ACOT13: variants seen among roughly 807,000 people sequenced by gnomAD.
ACOT13 encodes the protein acyl-coenzyme A thioesterase 13.
ACOT13 carries 10 observed loss-of-function variants against 11.8 expected under a neutral mutation model. The observed-to-expected ratio is 0.85, with a 90% CI of 0.53 to 1.44. ACOT13 has a LOEUF of 1.44. Among genes scored for constraint, ACOT13 ranks in the 40% most tolerant of loss-of-function variants. The pLI, the probability that ACOT13 is intolerant of heterozygous loss-of-function variation, is 0.00. For missense variants in ACOT13, 172 were observed against 174.1 expected (o/e 0.99, Z 0.07); for synonymous variants, 53 against 61.0 (o/e 0.87, Z 0.61).
chr6:24,688,778 T>G (rs1452880394), intron 1 of ACOT13, among the ~76,000 whole-genome samples: 2 of 152,208 alleles, frequency 1.3e-5, no homozygotes, highest in Non-Finnish European at 2.9e-5. Flanking sequence ...TCAGGCACTA[T>G]GCACTTTGTT....
rs1033784813 is a variant in ACOT13 at position 24,701,470 on chromosome 6, C to T, written c.278C>T (p.Pro93Leu). 2 of 1,605,056 alleles carry T rather than the reference C, an allele frequency of 1.2e-6. No homozygotes were observed. The highest frequency in any genetic ancestry group is 1.7e-6 in the Non-Finnish European group (2 of 1,175,884). ...SVDMNITYMS[P>L]AKLGEDIVIT... is the part of the protein sequence containing the mutation. ...CATTTTCTTTCAAGGTACATGTCAC[C>T]TGCAAAATTAGGAGAAGATATAGTG... The change falls in exon 3 of 3, where the codon CCT becomes CTT. Residue 93 changes from proline (P) to leucine (L), a missense_variant. Transcript: ENST00000230048.
Position 24,684,310 on chromosome 6 carries a change from G to T in ACOT13, c.82-13573G>T, listed in dbSNP as rs532841306. 2.6e-5 allele frequency among the ~76,000 whole-genome samples: 4 copies of T among 152,290 alleles called. No homozygotes were observed. In the South Asian group the frequency reaches 8.3e-4, roughly 32 times the overall value. On this transcript the variant is annotated intron_variant, in intron 1 of 2. Coordinates refer to ENST00000230048, the MANE Select transcript of ACOT13 (RefSeq NM_018473.4). ...AAGTTATCCAGAAAAGGATGTATTG[G>T]CCTAAGGGGATCTTTGAATTCCTTA...
intron 1 of ACOT13, among the ~76,000 whole-genome samples, chr6:24,671,211 C>T (rs938515775): frequency 6.6e-6 from 1 of 152,074 alleles, no homozygotes; most frequent in Admixed American, 6.5e-5. Flanking sequence ...TGGAACCAAC[C>T]CAAATGTCCA....
At chr6:24,694,326 A>C (rs1778762687) in intron 1 of ACOT13, among the ~76,000 whole-genome samples, 1 of 152,232 alleles carries the variant, frequency 6.6e-6, no homozygotes, top group African/African-American at 2.4e-5. Flanking sequence ...CTAAGGAATC[A>C]GAACCCAGTT....
At chr6:24,671,663 C>G (rs149566408) in intron 1 of ACOT13, among the ~76,000 whole-genome samples, 2 of 151,878 alleles carry the variant, frequency 1.3e-5, no homozygotes, top group Non-Finnish European at 2.9e-5. Context: ...AATAATGAAT[C>G]TCAAAAAACA....
Position 24,697,984 on chromosome 6 carries a change from C to T in ACOT13, c.183C>T (p.Ala61=), listed in dbSNP as rs1380947598. ...AIGTLHGGLT[A]TLVDNISTMA... ...GCACTCTCCACGGCGGTTTGACAGCCACGTTAGTAGATAACATATCAACAA... is the reference window on the plus strand; with the variant it reads ...GCACTCTCCACGGCGGTTTGACAGCTACGTTAGTAGATAACATATCAACAA... Residue 61 remains alanine (A), a synonymous_variant, in exon 2 of 3, where the codon GCC becomes GCT. Coordinates refer to ENST00000230048, the MANE Select transcript of ACOT13 (RefSeq NM_018473.4). 2 of 1,613,848 alleles carry T rather than the reference C, an allele frequency of 1.2e-6. No individual in the cohort carries two copies. The highest frequency in any genetic ancestry group is 1.3e-5 in the African/African-American group (1 of 74,910).
chr6:24,688,235 T>A (rs183036550), intron 1 of ACOT13, among the ~76,000 whole-genome samples: 1 of 152,166 alleles, frequency 6.6e-6, no homozygotes, highest in East Asian at 1.9e-4. Context: ...CAGCATTATT[T>A]GTGATATCAA....
rs1453851388 is a variant in ACOT13 at position 24,704,805 on chromosome 6, C to A, written c.*3190C>A. ...TTTAGCCACAGACTATGAAATAATT[C>A]TCTAAGGTGACCAGTAACATCAGTG... is the stretch of plus-strand genomic sequence containing the variant. On this transcript the variant is annotated 3_prime_UTR_variant, in exon 3 of 3. Transcript: ENST00000230048. 1 of 152,188 alleles carries A rather than the reference C, an allele frequency of 6.6e-6. No homozygotes were observed. The highest frequency in any genetic ancestry group is 6.5e-5 in the Admixed American group (1 of 15,270). The allele number at this position is 152,188 out of a possible 1,614,324, so 9.4% of individuals were successfully genotyped here. A position where few individuals can be genotyped will look rare whatever the true frequency, so the allele number is the denominator to read the frequency against.
chr6:24,670,400 A>G (rs1054864909), intron 1 of ACOT13, among the ~76,000 whole-genome samples: 4 of 152,200 alleles, frequency 2.6e-5, no homozygotes, highest in Non-Finnish European at 4.4e-5. Context: ...ACCTGTCAGA[A>G]AATGACATTC....
chr6:24,667,252 A>G lies in ACOT13; in HGVS notation c.-12A>G. The G allele has an allele frequency of 6.2e-7, 1 of 1,613,938 alleles. No homozygotes were observed. The highest frequency in any genetic ancestry group is 8.5e-7 in the Non-Finnish European group (1 of 1,179,932). The stretch of plus-strand genomic sequence containing the variant: ...TCTTGCGCAAAGCCCAAAGGCTGGA[A>G]AACCGTCCACGATGACCAGCATGAC... On this transcript the variant is annotated 5_prime_UTR_variant, in exon 1 of 3. Coordinates refer to ENST00000230048, the MANE Select transcript of ACOT13 (RefSeq NM_018473.4).
Position 24,667,160 on chromosome 6 carries a change from G to A in ACOT13, c.-104G>A. 8.3e-7 allele frequency: 1 copy of A among 1,211,174 alleles called. No homozygotes were observed. The highest frequency in any genetic ancestry group is 2.5e-5 in the East Asian group (1 of 39,730). 75.0% of individuals were successfully genotyped at this position (1,211,174 alleles called of 1,614,324 possible). On this transcript the variant is annotated 5_prime_UTR_variant, in exon 1 of 3. Transcript: ENST00000230048. Reference sequence around the variant, plus strand: ...CTCCTAGGGGCGGAGAAGGGTGCGGGCTCTTCGCCCTTTGTGTCCTCCTTC... The same window carrying A: ...CTCCTAGGGGCGGAGAAGGGTGCGGACTCTTCGCCCTTTGTGTCCTCCTTC...
chr6:24,699,725 G>A (rs1778863286), intron 2 of ACOT13, among the ~76,000 whole-genome samples: 1 of 152,208 alleles, frequency 6.6e-6, no homozygotes, highest in African/African-American at 2.4e-5. Flanking sequence ...GGTAAGAGGT[G>A]AGATCAGTAG....
intron 1 of ACOT13, among the ~76,000 whole-genome samples, chr6:24,674,085 A>G (rs1012542711): frequency 2.0e-5 from 3 of 152,070 alleles, no homozygotes; most frequent in African/African-American, 7.2e-5. Context: ...TATCTGAGAC[A>G]GAGTCTTGCT....
intron 1 of ACOT13, among the ~76,000 whole-genome samples, chr6:24,690,635 G>C (rs6919494): frequency 0.8 from 121,048 of 151,762 alleles, 48,957 homozygotes; most frequent in African/African-American, 0.93. Flanking sequence ...TGAACAAAAA[G>C]AGTGTTACTT....
At chr6:24,680,718 G>A (rs902522079) in intron 1 of ACOT13, among the ~76,000 whole-genome samples, 9 of 152,118 alleles carry the variant, frequency 5.9e-5, no homozygotes, top group Non-Finnish European at 4.4e-5. Flanking sequence ...CTGGGTTCCT[G>A]GGTATTTCAT....
Position 24,704,697 on chromosome 6 carries a change from G to A in ACOT13, c.*3082G>A, listed in dbSNP as rs1054704530. The A allele has an allele frequency of 1.3e-5, 2 of 152,216 alleles. No individual in the cohort carries two copies. The highest frequency in any genetic ancestry group is 4.8e-5 in the African/African-American group (2 of 41,464). 9.4% of individuals were successfully genotyped at this position (152,216 alleles called of 1,614,324 possible). A position where few individuals can be genotyped will look rare whatever the true frequency, so the allele number is the denominator to read the frequency against. On this transcript the variant is annotated 3_prime_UTR_variant, in exon 3 of 3. Coordinates refer to ENST00000230048, the MANE Select transcript of ACOT13 (RefSeq NM_018473.4). ...GCATAAGGCCAGGTTGCTAACTGTTGAAAGCTGACAGTATGTTCTTGATTC... is the reference window on the plus strand; with the variant it reads ...GCATAAGGCCAGGTTGCTAACTGTTAAAAGCTGACAGTATGTTCTTGATTC...
chr6:24,694,844 A>G (rs1363552816), intron 1 of ACOT13, among the ~76,000 whole-genome samples: 2 of 152,220 alleles, frequency 1.3e-5, no homozygotes, highest in Non-Finnish European at 2.9e-5. Context: ...ATTTTAAAAC[A>G]ATTTTATTAG....
At chr6:24,681,661 G>A (rs1778552996) in intron 1 of ACOT13, among the ~76,000 whole-genome samples, 1 of 152,094 alleles carries the variant, frequency 6.6e-6, no homozygotes, top group Non-Finnish European at 1.5e-5. Context: ...CCCATGTCGA[G>A]AGCTGCATAC....
At chr6:24,681,936 G>A (rs1467033130) in intron 1 of ACOT13, among the ~76,000 whole-genome samples, 2 of 152,224 alleles carry the variant, frequency 1.3e-5, no homozygotes, top group Non-Finnish European at 2.9e-5. Flanking sequence ...ACCCATGGGC[G>A]ACTGTTGAGT....
Sources: allele counts gnomAD v4.1 joint callset (sites outside exome capture counted in the v4.1 genomes callset), GRCh38; gene constraint gnomAD v4.1.1; transcripts MANE v1.5; gene names NCBI Gene and HGNC (gene_info 2026-07-23, HGNC 2026-07-21).